PTPRF: variants seen among roughly 807,000 people sequenced by gnomAD.
The protein encoded by PTPRF is receptor-type tyrosine-protein phosphatase F.
Under a neutral mutation model 201.8 loss-of-function variants are expected in PTPRF, and 59 were observed. The observed-to-expected ratio is 0.29, with a 90% CI of 0.24 to 0.36. The LOEUF is 0.36. PTPRF is among the 10% of genes least tolerant of loss of function. The pLI is 1.00. For missense variants in PTPRF, 2,132 were observed against 2,690.5 expected (o/e 0.79, Z 4.59); for synonymous variants, 1,088 against 1,089.7 (o/e 1.00, Z 0.03).
At chr1:43,578,710 C>G (rs1405315955) in intron 6 of PTPRF, 100 bp from the exon 7 acceptor site, 1 of 881,346 alleles carries the variant, frequency 1.1e-6, no homozygotes, top group African/African-American at 1.7e-5. Context: ...GCTTCGACAT[C>G]TGGTCAACAT....
At position 43,573,788 on chromosome 1, in the gene PTPRF, A is replaced by G. The variant is rs142151503; in HGVS notation, c.568+4010A>G. 5.3e-5 allele frequency among the ~76,000 whole-genome samples: 8 copies of G among 152,202 alleles called. No individual in the cohort carries two copies. The East Asian group carries it at 1.5e-3, about 29-fold the overall frequency. The stretch of plus-strand genomic sequence containing the variant: ...GGGGAAATTACTGTTAGATTCTTTC[A>G]GAATAGGTTAGGTTCTGGAAGAGCT... On this transcript the variant is annotated intron_variant, in intron 6 of 33. Transcript: ENST00000359947.
intron 5 of PTPRF, among the ~76,000 whole-genome samples, chr1:43,556,688 C>T (rs929926650): frequency 2.6e-5 from 4 of 152,220 alleles, no homozygotes; most frequent in African/African-American, 9.6e-5. Flanking sequence ...ATGCCTCTGA[C>T]CCTCATTTGC....
At position 43,603,929 on chromosome 1, in the gene PTPRF, G is replaced by GACTGACCACGTCTACCACAGA; in HGVS notation, c.2782_2802dup (p.Thr928_Leu934dup). ...TTCCCCCAAAACCTGCATGTGACAG[G>GACTGACCACGTCTACCACAGA]ACTGACCACGTCTACCACAGAACTG... On this transcript the variant is annotated inframe_insertion, in exon 16 of 34. Transcript: ENST00000359947. The surrounding 1 kb of genome is among the most constrained non-coding windows in gnomAD (Gnocchi z 5.8). The GACTGACCACGTCTACCACAGA allele has an allele frequency of 6.2e-7, 1 of 1,614,126 alleles. No homozygotes were observed. Among genetic ancestry groups the GACTGACCACGTCTACCACAGA allele is most frequent in the Non-Finnish European group, 8.5e-7 (1 of 1,180,048 alleles).
intron 8 of PTPRF, among the ~76,000 whole-genome samples, chr1:43,589,984 T>A (rs971006442): frequency 1.3e-5 from 2 of 152,178 alleles, no homozygotes; most frequent in African/African-American, 4.8e-5. Flanking sequence ...CAGGATCAAG[T>A]GACTCCCTTT....
Position 43,598,857 on chromosome 1 carries a change from A to G in PTPRF, c.2257A>G (p.Asn753Asp). ...GYQVTYVRLE[N>D]GEPRGLPIIQ... ...CCAGGTCACCTACGTGCGGCTGGAGAATGGCGAGCCCCGTGGACTCCCCAT... is the reference window on the plus strand; with the variant it reads ...CCAGGTCACCTACGTGCGGCTGGAGGATGGCGAGCCCCGTGGACTCCCCAT... Residue 753 changes from asparagine (N) to aspartate (D), a missense_variant, in exon 13 of 34, where the codon AAT (asparagine) becomes GAT (aspartate). Physicochemically the swap from Asn to Asp is conservative, Grantham distance 23 (BLOSUM62 1). This residue lies in a region of PTPRF where 818 missense variants were observed against 915.3 expected (regional missense o/e 0.89). Transcript: ENST00000359947. 1 of 1,614,076 alleles carries G rather than the reference A, an allele frequency of 6.2e-7. No homozygotes were observed. Among genetic ancestry groups the G allele is most frequent in the Non-Finnish European group, 8.5e-7 (1 of 1,180,002 alleles).
intron 22 of PTPRF, among the ~76,000 whole-genome samples, chr1:43,610,819 G>A (rs984755195): frequency 1.1e-4 from 17 of 152,294 alleles, no homozygotes; most frequent in East Asian, 1.9e-4. Flanking sequence ...AGCCAAGATC[G>A]TACCATCGCA....
chr1:43,594,422 G>A (rs566733010), intron 11 of PTPRF, among the ~76,000 whole-genome samples: 2 of 151,652 alleles, frequency 1.3e-5, no homozygotes, highest in East Asian at 3.9e-4. Flanking sequence ...TAAGCAGCAG[G>A]CCAGTGTGGC....
intron 6 of PTPRF, among the ~76,000 whole-genome samples, chr1:43,577,178 C>T (rs998023434): frequency 7.2e-5 from 11 of 152,198 alleles, no homozygotes; most frequent in African/African-American, 2.7e-4. Flanking sequence ...ACCAGGTCTC[C>T]CTCACCCCAC....
chr1:43,591,003 G>A lies in PTPRF; in HGVS notation c.981G>A (p.Val327=). ...CAAAGCCTCCGATTGATCTTGTGGTGACAGAGACAACTGCCACCAGTGTCA... is the reference window on the plus strand; with the variant it reads ...CAAAGCCTCCGATTGATCTTGTGGTAACAGAGACAACTGCCACCAGTGTCA... The part of the protein sequence containing the change: ...ALPKPPIDLV[V]TETTATSVTL... Residue 327 remains valine, a synonymous_variant, in exon 9 of 34, where the codon GTG becomes GTA. Coordinates refer to ENST00000359947, the MANE Select transcript of PTPRF (RefSeq NM_002840.5). 1 of 1,613,226 alleles carries A rather than the reference G, an allele frequency of 6.2e-7. No homozygotes were observed. The highest frequency in any genetic ancestry group is 8.5e-7 in the Non-Finnish European group (1 of 1,179,354).
intron 31 of PTPRF, 36 bp downstream of exon 31, chr1:43,620,615 C>G: frequency 6.2e-7 from 1 of 1,604,262 alleles, no homozygotes; most frequent in South Asian, 1.1e-5. Flanking sequence ...ATAACGCTGC[C>G]TGTCCACACG....
At position 43,558,559 on chromosome 1, in the gene PTPRF, C is replaced by T. The variant is rs540089009; in HGVS notation, c.379+4618C>T. 4.6e-5 allele frequency among the ~76,000 whole-genome samples: 7 copies of T among 152,284 alleles called. No individual in the cohort carries two copies. The South Asian group carries it at 1.0e-3, about 23-fold the overall frequency. On this transcript the variant is annotated intron_variant, in intron 5 of 33. Transcript: ENST00000359947. ...TGTCCTGGCTGTGATGAGCGTGGGG[C>T]CCGCCGCCCAGCGTTCCTGTCTGAG...
chr1:43,610,665 A>G (rs1239410620), intron 22 of PTPRF, among the ~76,000 whole-genome samples: 1 of 152,208 alleles, frequency 6.6e-6, no homozygotes, highest in East Asian at 1.9e-4. Flanking sequence ...GGATCACCTG[A>G]GGTCAGGAGT....
intron 22 of PTPRF, chr1:43,612,752 G>T: frequency 1.5e-6 from 2 of 1,364,358 alleles, no homozygotes; most frequent in South Asian, 1.1e-5. Context: ...TTGTTTGTTT[G>T]TTTTTTTCTC....
intron 19 of PTPRF, 98 bp downstream of exon 19, chr1:43,605,720 T>TGGGA: frequency 8.5e-7 from 1 of 1,178,498 alleles, no homozygotes; most frequent in Non-Finnish European, 1.2e-6. Flanking sequence ...TCAGATTCAC[T>TGGGA]CCCCAAATTG....
chr1:43,597,905 TGTG>T lies in PTPRF; in HGVS notation c.1976_1978del (p.Val659del). On this transcript the variant is annotated inframe_deletion, in exon 12 of 34. Transcript: ENST00000359947. ...TGGACGGCGAGGACCGCGGGCGGCA[TGTG>T]GTGGATGGCATCAGCCGTGAGCACT... is the stretch of plus-strand genomic sequence containing the variant. The T allele has an allele frequency of 6.2e-7, 1 of 1,603,680 alleles. No individual in the cohort carries two copies. Among genetic ancestry groups the T allele is most frequent in the Non-Finnish European group, 8.5e-7 (1 of 1,175,668 alleles).
At chr1:43,610,939 C>T (rs555693672) in intron 22 of PTPRF, among the ~76,000 whole-genome samples, 2 of 152,220 alleles carry the variant, frequency 1.3e-5, no homozygotes, top group Non-Finnish European at 2.9e-5. Flanking sequence ...CCTATGGTTG[C>T]TTTTGCACTG....
Position 43,598,739 on chromosome 1 carries a change from G to A in PTPRF, c.2139G>A (p.Arg713=). 1 of 1,613,682 alleles carries A rather than the reference G, an allele frequency of 6.2e-7. No individual in the cohort carries two copies. Among genetic ancestry groups the A allele is most frequent in the Non-Finnish European group, 8.5e-7 (1 of 1,179,646 alleles). ...TDEDVPSGPP[R]KVEVEPLNST... ...CCCCAGTGCCCAGCGGGCCTCCGCG[G>A]AAGGTGGAGGTGGAGCCACTGAACT... The change falls in exon 13 of 34, where the codon CGG becomes CGA. Residue 713 remains arginine, a synonymous_variant. Transcript: ENST00000359947.
rs182051130 is a variant in PTPRF, at chr1:43,534,353, A to G, written c.-126+3263A>G. ...TGTTTCCAGAAAATGCTCTGTGGCTATGGGAAAAGGATGGAGACAGGATGC... is the reference window on the plus strand; with the variant it reads ...TGTTTCCAGAAAATGCTCTGTGGCTGTGGGAAAAGGATGGAGACAGGATGC... On this transcript the variant is annotated intron_variant, in intron 1 of 33. Coordinates refer to ENST00000359947, the MANE Select transcript of PTPRF (RefSeq NM_002840.5). Among the ~76,000 whole-genome samples the G allele has an allele frequency of 5.4e-4, 82 of 152,294 alleles. No individual in the cohort carries two copies. In the East Asian group the frequency reaches 0.015, roughly 27 times the overall value.
chr1:43,579,813 G>T (rs375793280), intron 7 of PTPRF: 3 of 152,494 alleles, frequency 2.0e-5, no homozygotes, highest in African/African-American at 7.2e-5. Flanking sequence ...GGTGGCTCAC[G>T]CCTGTAATCC....
Sources: allele counts gnomAD v4.1 joint callset (sites outside exome capture counted in the v4.1 genomes callset), GRCh38; gene constraint gnomAD v4.1.1; regional missense constraint gnomAD v4.1.1; non-coding constraint Gnocchi (gnomAD v3.1); transcripts MANE v1.5; gene names NCBI Gene and HGNC (gene_info 2026-07-23, HGNC 2026-07-21).